Variants in TCF12 observed in about 807,000 individuals in gnomAD.
TCF12 encodes the protein DNA-binding protein HTF4.
Under a neutral mutation model 86.0 loss-of-function variants are expected in TCF12, and 45 were observed. The ratio of observed to expected loss-of-function variants is 0.52; its 90% CI spans 0.41 to 0.67. The LOEUF is 0.67. Ranked by LOEUF, TCF12 falls within the 30% of genes least tolerant of loss-of-function variation. TCF12 has a pLI of 0.00. For synonymous variants in TCF12, 330 were observed against 299.6 expected, an observed-to-expected ratio of 1.10 and a Z score of -1.05; for missense variants, 881 against 859.9, an observed-to-expected ratio of 1.02 and a Z score of -0.31.
At chr15:56,954,310 G>C (rs1434817306) in intron 3 of TCF12, among the ~76,000 whole-genome samples, 24 of 152,086 alleles carry the variant, frequency 1.6e-4, no homozygotes, top group Admixed American at 1.6e-3. Flanking sequence ...ACAAAAACAA[G>C]AAATGGGGAA....
At chr15:57,027,963 T>C (rs1387332112) in intron 3 of TCF12, among the ~76,000 whole-genome samples, 1 of 152,036 alleles carries the variant, frequency 6.6e-6, no homozygotes, top group African/African-American at 2.4e-5. Context: ...TAAACCTATG[T>C]TTCTTTTTTT....
At chr15:57,064,006 A>G (rs2068657682) in intron 4 of TCF12, among the ~76,000 whole-genome samples, 183 bp downstream of exon 4, 2 of 152,198 alleles carry the variant, frequency 1.3e-5, no homozygotes, top group African/African-American at 4.8e-5. Context: ...TGGAAATTTA[A>G]TTTCCTACAG....
intron 5 of TCF12, among the ~76,000 whole-genome samples, chr15:57,094,561 G>C (rs1323801912): frequency 6.6e-6 from 1 of 152,172 alleles, no homozygotes; most frequent in Non-Finnish European, 1.5e-5. Context: ...TTTTCTGGCC[G>C]TTTGTTAATT....
chr15:57,118,869 C>G (rs1746792469), intron 5 of TCF12, among the ~76,000 whole-genome samples: 1 of 152,074 alleles, frequency 6.6e-6, no homozygotes, highest in Non-Finnish European at 1.5e-5. Context: ...TACACACTTG[C>G]CTGAAGATAT....
intron 4 of TCF12, among the ~76,000 whole-genome samples, chr15:57,085,643 G>A (rs1348531766): frequency 6.6e-6 from 1 of 152,186 alleles, no homozygotes; most frequent in Admixed American, 6.5e-5. Flanking sequence ...TATTTATCTA[G>A]ACATTAATTT....
At chr15:57,183,069 A>G (rs1310889882) in intron 6 of TCF12, among the ~76,000 whole-genome samples, 1 of 152,142 alleles carries the variant, frequency 6.6e-6, no homozygotes, top group Non-Finnish European at 1.5e-5. Flanking sequence ...ATTGCTATAA[A>G]TCCTAAATGA....
At chr15:57,202,543 C>T (rs969783209) in intron 8 of TCF12, among the ~76,000 whole-genome samples, 5 of 150,610 alleles carry the variant, frequency 3.3e-5, no homozygotes, top group South Asian at 2.1e-4. Flanking sequence ...TCATGCCATT[C>T]TCCTGCCTCA....
intron 16 of TCF12, among the ~76,000 whole-genome samples, chr15:57,256,543 T>TCCCCCCCC (rs1566997445): frequency 5.4e-4 from 74 of 138,262 alleles, no homozygotes; most frequent in Non-Finnish European, 9.3e-4. Flanking sequence ...TGGAATCGAT[T>TCCCCCCCC]CCCCACCCCC....
intron 4 of TCF12, among the ~76,000 whole-genome samples, chr15:57,079,502 G>C (rs1199973129): frequency 6.6e-6 from 1 of 152,084 alleles, no homozygotes; most frequent in African/African-American, 2.4e-5. Context: ...TACTTTTTCT[G>C]CTTTCATTTT....
chr15:57,272,165 A>G (rs2061173333), intron 18 of TCF12, among the ~76,000 whole-genome samples: 1 of 152,188 alleles, frequency 6.6e-6, no homozygotes, highest in African/African-American at 2.4e-5. Context: ...ACTATGATTT[A>G]TTGAACCCAT....
At chr15:57,193,187 G>A (rs141430366) in intron 7 of TCF12, among the ~76,000 whole-genome samples, 313 of 152,154 alleles carry the variant, frequency 2.1e-3, no homozygotes, top group African/African-American at 6.8e-3. Flanking sequence ...TAGTACTTAG[G>A]ATAAAATTTT....
At position 57,058,313 on chromosome 15, in the gene TCF12, T is replaced by C. The variant is rs149635631; in HGVS notation, c.149-5437T>C. On this transcript the variant is annotated intron_variant, in intron 3 of 20. Coordinates refer to ENST00000333725, the MANE Select transcript of TCF12 (RefSeq NM_207037.2). ...TTTCCTTTTGTATCTTTACAGGGCA[T>C]TTGTATCAGGGTGATATAGCTAGTA... Among the ~76,000 whole-genome samples, 24 of 152,334 alleles carry C rather than the reference T, an allele frequency of 1.6e-4. No individual in the cohort carries two copies. The East Asian group carries it at 4.1e-3, about 26-fold the overall frequency.
chr15:56,977,610 G>C (rs929649038), intron 3 of TCF12, among the ~76,000 whole-genome samples: 1 of 152,098 alleles, frequency 6.6e-6, no homozygotes, highest in Non-Finnish European at 1.5e-5. Context: ...GAGAGGTGGA[G>C]ACAGCGTTTG....
chr15:56,947,525 A>G (rs1311963488), intron 3 of TCF12, among the ~76,000 whole-genome samples: 1 of 152,124 alleles, frequency 6.6e-6, no homozygotes, highest in African/African-American at 2.4e-5. Flanking sequence ...TTGTTTCCAG[A>G]TAGGAAATCA....
At chr15:56,949,715 T>A (rs1214191359) in intron 3 of TCF12, among the ~76,000 whole-genome samples, 4 of 152,234 alleles carry the variant, frequency 2.6e-5, no homozygotes, top group Admixed American at 1.3e-4. Flanking sequence ...GACATAGATA[T>A]GGCCCTTCTG....
chr15:57,007,755 C>CGTCT (rs1555474049), intron 3 of TCF12, among the ~76,000 whole-genome samples: 2 of 83,864 alleles, frequency 2.4e-5, no homozygotes, highest in Non-Finnish European at 5.3e-5. Context: ...AATATTTTTC[C>CGTCT]TTCTTTCTTT....
chr15:57,170,759 TTA>T lies in TCF12; in HGVS notation c.390+4303_390+4304del, dbSNP rs1222334982. On this transcript the variant is annotated intron_variant, in intron 6 of 20. Coordinates refer to ENST00000333725, the MANE Select transcript of TCF12 (RefSeq NM_207037.2). ...TATAATATATATTATATATTATATA[TTA>T]TATATATATTATATATAATATATAT... 1.8e-3 allele frequency among the ~76,000 whole-genome samples: 59 copies of T among 32,646 alleles called. 1 individual carries two copies. The highest frequency in any genetic ancestry group is 0.011 in the South Asian group (15 of 1,378). The allele number at this position is 32,646 out of a possible 152,430, so 21.4% of individuals were successfully genotyped here.
chr15:57,221,780 C>T (rs2058609925), intron 8 of TCF12, among the ~76,000 whole-genome samples: 1 of 152,016 alleles, frequency 6.6e-6, no homozygotes, highest in Non-Finnish European at 1.5e-5. Context: ...AAATTATTCT[C>T]TAGTAGTTAT....
At chr15:56,930,931 C>T (rs890890787) in intron 3 of TCF12, among the ~76,000 whole-genome samples, 2 of 152,010 alleles carry the variant, frequency 1.3e-5, no homozygotes, top group South Asian at 2.1e-4. Context: ...TGATTTGTAG[C>T]GTGTGACATA....
Sources: gnomAD v4.1 joint callset for allele counts (sites outside exome capture counted in the v4.1 genomes callset) on GRCh38, gnomAD v4.1.1 for gene constraint, MANE v1.5 for transcripts, NCBI Gene and HGNC (gene_info 2026-07-23, HGNC 2026-07-21) for gene names.